The following NRXN3 variants were observed in gnomAD, a reference collection of about 807,000 sequenced individuals.
NRXN3 encodes neurexin III.
In NRXN3, 32 loss-of-function variants were observed where a neutral mutation model predicts 137.6. The observed-to-expected ratio is 0.23, with a 90% confidence interval of 0.18 to 0.31. The LOEUF (loss-of-function observed/expected upper bound fraction) is 0.31. Among genes scored for constraint, NRXN3 ranks in the 10% least tolerant of loss-of-function variants. The pLI is 1.00. For synonymous variants in NRXN3, 798 were observed against 784.5 expected (o/e 1.02, Z -0.29); for missense variants, 1,574 against 2,062.5 (o/e 0.76, Z 4.59).
At chr14:79,828,396 G>T (rs1176275448) in intron 20 of NRXN3, among the ~76,000 whole-genome samples, 1 of 151,910 alleles carries the variant, frequency 6.6e-6, no homozygotes, top group Non-Finnish European at 1.5e-5. Flanking sequence ...GAGGTGGGCG[G>T]ATCACCTGAG....
intron 16 of NRXN3, among the ~76,000 whole-genome samples, chr14:79,632,111 G>A (rs1266562107): frequency 6.6e-6 from 1 of 152,060 alleles, no homozygotes; most frequent in South Asian, 2.1e-4. Context: ...TCACTCTTAG[G>A]GTCTGTGCCG....
chr14:79,338,045 C>G (rs1474308069), intron 15 of NRXN3, among the ~76,000 whole-genome samples: 1 of 152,046 alleles, frequency 6.6e-6, no homozygotes, highest in Non-Finnish European at 1.5e-5. Context: ...CCTTGGTTCT[C>G]CATGGAAGTC....
At chr14:78,603,296 A>G (rs2097217131) in intron 4 of NRXN3, among the ~76,000 whole-genome samples, 1 of 152,020 alleles carries the variant, frequency 6.6e-6, no homozygotes, top group Non-Finnish European at 1.5e-5. Context: ...TTTACCCATC[A>G]TGTTTTGATA....
chr14:78,700,916 C>A (rs1336818186), intron 6 of NRXN3, among the ~76,000 whole-genome samples: 1 of 152,098 alleles, frequency 6.6e-6, no homozygotes. Context: ...GGATTACAGG[C>A]ATCCACCACC....
chr14:79,311,589 T>C (rs917300956), intron 15 of NRXN3, among the ~76,000 whole-genome samples: 1 of 123,274 alleles, frequency 8.1e-6, no homozygotes, highest in African/African-American at 3.0e-5. Context: ...TGGTAAACTA[T>C]TGATTATTGC....
At chr14:79,624,340 A>G (rs953565143) in intron 16 of NRXN3, among the ~76,000 whole-genome samples, 2 of 152,184 alleles carry the variant, frequency 1.3e-5, no homozygotes, top group Admixed American at 1.3e-4. Context: ...GTGACAAGAG[A>G]AAAATGTTTC....
chr14:79,181,961 G>A (rs1265693050), intron 15 of NRXN3, among the ~76,000 whole-genome samples: 1 of 152,028 alleles, frequency 6.6e-6, no homozygotes, highest in Non-Finnish European at 1.5e-5. Context: ...CTGTGAAAAT[G>A]GATTCTTACC....
intron 4 of NRXN3, among the ~76,000 whole-genome samples, chr14:78,364,537 C>T (rs1408298550): frequency 6.6e-6 from 1 of 152,124 alleles, no homozygotes; most frequent in East Asian, 1.9e-4. Context: ...TTGACACTGG[C>T]ATTTTCAAAT....
At chr14:79,366,760 A>G (rs1435489187) in intron 15 of NRXN3, among the ~76,000 whole-genome samples, 1 of 152,194 alleles carries the variant, frequency 6.6e-6, no homozygotes, top group African/African-American at 2.4e-5. Flanking sequence ...GAAAGAAAGC[A>G]TGTGTGTGGC....
chr14:78,877,101 C>T (rs542517856), intron 10 of NRXN3, among the ~76,000 whole-genome samples: 7 of 152,232 alleles, frequency 4.6e-5, no homozygotes, highest in South Asian at 2.1e-4. Context: ...AATTTGTACT[C>T]GATATTGTAG....
At chr14:78,928,669 G>A (rs921554892) in intron 10 of NRXN3, among the ~76,000 whole-genome samples, 3 of 152,032 alleles carry the variant, frequency 2.0e-5, no homozygotes, top group Admixed American at 6.6e-5. Flanking sequence ...CATGGTGTTT[G>A]TGTGCCACAT....
intron 16 of NRXN3, among the ~76,000 whole-genome samples, chr14:79,582,095 TTTTG>T (rs555023744): frequency 3.2e-4 from 48 of 152,020 alleles, no homozygotes; most frequent in Middle Eastern, 3.4e-3. Context: ...GCCCAGCTGT[TTTTG>T]TTTGTTTGTT....
At chr14:79,371,665 G>A (rs974446289) in intron 15 of NRXN3, among the ~76,000 whole-genome samples, 2 of 152,092 alleles carry the variant, frequency 1.3e-5, no homozygotes, top group African/African-American at 4.8e-5. Context: ...TCACAGGCAC[G>A]GTGAATTCTT....
intron 16 of NRXN3, among the ~76,000 whole-genome samples, chr14:79,608,839 G>GAGTGCAGTGA (rs1252906383): frequency 6.6e-6 from 1 of 151,646 alleles, no homozygotes; most frequent in Non-Finnish European, 1.5e-5. Flanking sequence ...AGAGTCTCAG[G>GAGTGCAGTGA]AGTGCAGTGA....
intron 15 of NRXN3, among the ~76,000 whole-genome samples, chr14:79,057,763 C>T (rs2099667687): frequency 6.6e-6 from 1 of 152,090 alleles, no homozygotes; most frequent in Admixed American, 6.5e-5. Flanking sequence ...CTGCACTGGG[C>T]AGTGAACGGG....
intron 1 of NRXN3, among the ~76,000 whole-genome samples, chr14:78,218,630 T>C (rs76349541): frequency 6.6e-6 from 1 of 152,352 alleles, no homozygotes; most frequent in East Asian, 1.9e-4. Flanking sequence ...CTAAGAAGAA[T>C]GAAATTGCAT....
At chr14:79,673,702 G>A (rs904322039) in intron 17 of NRXN3, among the ~76,000 whole-genome samples, 1 of 152,038 alleles carries the variant, frequency 6.6e-6, no homozygotes, top group Non-Finnish European at 1.5e-5. Context: ...ACTAGGTGAT[G>A]GGTATATGGT....
At chr14:78,676,395 T>C (rs2098006837) in intron 6 of NRXN3, among the ~76,000 whole-genome samples, 1 of 152,152 alleles carries the variant, frequency 6.6e-6, no homozygotes, top group African/African-American at 2.4e-5. Flanking sequence ...CAGAAAGTTT[T>C]ACTGCTCTAG....
At chr14:79,234,547 G>T (rs2073038093) in intron 15 of NRXN3, among the ~76,000 whole-genome samples, 1 of 150,224 alleles carries the variant, frequency 6.7e-6, no homozygotes, top group African/African-American at 2.5e-5. Context: ...ATCACGCCTG[G>T]CTAAGTTTTG....
Sources: gnomAD v4.1 joint callset for allele counts (sites outside exome capture counted in the v4.1 genomes callset) on GRCh38, gnomAD v4.1.1 for gene constraint, MANE v1.5 for transcripts, NCBI Gene and HGNC (gene_info 2026-07-23, HGNC 2026-07-21) for gene names.